The following KCND3 variants were observed in gnomAD, a reference collection of about 807,000 sequenced individuals.
The protein encoded by KCND3 is potassium voltage-gated channel subfamily D member 3.
Under a neutral mutation model 51.1 loss-of-function variants are expected in KCND3, and 9 were observed. The ratio of observed to expected loss-of-function variants is 0.18; its 90% CI spans 0.11 to 0.31. The LOEUF is 0.31. Among genes scored for constraint, KCND3 ranks in the 10% least tolerant of loss-of-function variants. The probability of loss-of-function intolerance (pLI) is 1.00; values close to 1 mark genes in which losing one functional copy is unlikely to be tolerated. For missense variants in KCND3, 526 were observed against 903.8 expected (o/e 0.58, Z 5.36); for synonymous variants, 349 against 368.0 (o/e 0.95, Z 0.59).
At chr1:111,979,457 T>C (rs1674820545) in intron 2 of KCND3, among the ~76,000 whole-genome samples, 1 of 152,234 alleles carries the variant, frequency 6.6e-6, no homozygotes, top group East Asian at 1.9e-4. Flanking sequence ...ATTGGGCTGA[T>C]GCTTTCTTGA....
chr1:111,856,351 A>G (rs1668060554), intron 2 of KCND3, among the ~76,000 whole-genome samples: 1 of 152,198 alleles, frequency 6.6e-6, no homozygotes, highest in Admixed American at 6.5e-5. Flanking sequence ...TCTTCTCCCT[A>G]TAGCAGCATT....
intron 2 of KCND3, among the ~76,000 whole-genome samples, chr1:111,837,799 C>T (rs1004794625): frequency 1.8e-4 from 28 of 152,136 alleles, no homozygotes; most frequent in African/African-American, 5.8e-4. Flanking sequence ...AACATACTAC[C>T]CTCGCCCCTC....
chr1:111,922,128 G>C (rs774603763), intron 2 of KCND3, among the ~76,000 whole-genome samples: 7 of 152,194 alleles, frequency 4.6e-5, no homozygotes, highest in African/African-American at 1.7e-4. Flanking sequence ...TGTCCAAGAC[G>C]AACACAAGAG....
intron 2 of KCND3, among the ~76,000 whole-genome samples, chr1:111,817,744 G>A (rs1666162898): frequency 6.6e-6 from 1 of 152,210 alleles, no homozygotes. Context: ...CACACTGCAT[G>A]AGTGATAGAA....
chr1:111,919,177 T>A (rs1434750761), intron 2 of KCND3, among the ~76,000 whole-genome samples: 2 of 150,260 alleles, frequency 1.3e-5, no homozygotes, highest in Non-Finnish European at 3.0e-5. Flanking sequence ...CAAGGGAGAA[T>A]CCTTGCCCTC....
At chr1:111,843,017 T>C (rs995691967) in intron 2 of KCND3, among the ~76,000 whole-genome samples, 1 of 152,242 alleles carries the variant, frequency 6.6e-6, no homozygotes, top group African/African-American at 2.4e-5. Flanking sequence ...AATGAATGAA[T>C]AAATGATGCT....
chr1:111,939,711 A>C (rs1672400496), intron 2 of KCND3, among the ~76,000 whole-genome samples: 1 of 152,186 alleles, frequency 6.6e-6, no homozygotes, highest in Non-Finnish European at 1.5e-5. Context: ...TTGATAGTAA[A>C]ATGATTTCTA....
At chr1:111,800,974 G>A (rs567091392) in intron 2 of KCND3, among the ~76,000 whole-genome samples, 3 of 152,368 alleles carry the variant, frequency 2.0e-5, no homozygotes, top group East Asian at 3.9e-4. Flanking sequence ...AAAGAGACAT[G>A]AGGAGCAGCA....
At chr1:111,988,370 CT>C (rs1223790098) in intron 1 of KCND3, among the ~76,000 whole-genome samples, 2 of 152,148 alleles carry the variant, frequency 1.3e-5, no homozygotes, top group African/African-American at 4.8e-5. Flanking sequence ...TTCCTGAACT[CT>C]TTTTCTCCAG....
rs1664316426 is a variant in KCND3, at chr1:111,780,283, G to T, written c.1403C>A (p.Thr468Asn). 3.2e-6 allele frequency: 5 copies of T among 1,583,430 alleles called. No homozygotes were observed. Among genetic ancestry groups the T allele is most frequent in the Non-Finnish European group, 4.3e-6 (5 of 1,163,604 alleles). Residue 468 changes from threonine to asparagine, a missense_variant, in exon 5 of 8, where the codon ACC (threonine) becomes AAC (asparagine). Physicochemically the swap from Thr to Asn is moderately conservative, Grantham distance 65 (BLOSUM62 0). Transcript: ENST00000302127. The surrounding 1 kb of genome is among the most constrained non-coding windows in gnomAD (Gnocchi z 4.2). ...ATGCTGGCTCTCGATGAGTGAGGTG[G>T]TCTTGCCCATGTGCTCCTCTTCTGG... is the stretch of plus-strand genomic sequence containing the variant. ...GTPEEEHMGK[T>N]TSLIESQHHH...
chr1:111,803,467 G>A (rs1301225205), intron 2 of KCND3, among the ~76,000 whole-genome samples: 1 of 152,186 alleles, frequency 6.6e-6, no homozygotes, highest in Non-Finnish European at 1.5e-5. Flanking sequence ...CCTTAGGGCT[G>A]CTGGTTGTGT....
rs945591817 is a variant in KCND3 at position 111,772,171 on chromosome 1, T to C, written c.*3906A>G. 6.6e-6 allele frequency: 1 copy of C among 152,178 alleles called. No homozygotes were observed. The highest frequency in any genetic ancestry group is 1.5e-5 in the Non-Finnish European group (1 of 68,012). 9.4% of individuals were successfully genotyped at this position (152,178 alleles called of 1,614,324 possible). ...CTCTGAATCAAGGATTTAGCTACTT[T>C]ACCTACTACCATCACAGACTGTCAT... On this transcript the variant is annotated 3_prime_UTR_variant, in exon 8 of 8. Transcript: ENST00000302127.
intron 2 of KCND3, among the ~76,000 whole-genome samples, chr1:111,952,589 G>A (rs990132070): frequency 3.3e-5 from 5 of 152,274 alleles, no homozygotes; most frequent in African/African-American, 1.2e-4. Flanking sequence ...CCTCACAACC[G>A]AGGTAGCTGG....
rs187203872 is a variant in KCND3 at position 111,912,827 on chromosome 1, C to T, written c.1106+68794G>A. Among the ~76,000 whole-genome samples, 31 of 152,016 alleles carry T rather than the reference C, an allele frequency of 2.0e-4. No homozygotes were observed. In the East Asian group the frequency reaches 3.5e-3, roughly 17 times the overall value. On this transcript the variant is annotated intron_variant, in intron 2 of 7. Transcript: ENST00000302127. ...ATAAATATTTTTTATAACGGTACAA[C>T]GTATTTGTGTTTTAAGCTATTACTG... is the stretch of plus-strand genomic sequence containing the variant.
In KCND3 at chr1:111,825,777, A is replaced by AAATAATAATAAG. The variant is rs560815307; in HGVS notation, c.1107-38683_1107-38672dup. ...CTGCTTTTTCCCACACTACCATCTG[A>AAATAATAATAAG]AATAATAATAAGCATTATTCTACAT... On this transcript the variant is annotated intron_variant, in intron 2 of 7. Transcript: ENST00000302127. 2.8e-3 allele frequency among the ~76,000 whole-genome samples: 432 copies of AAATAATAATAAG among 152,346 alleles called. 4 individuals are homozygous for AAATAATAATAAG. The highest frequency in any genetic ancestry group is 0.015 in the East Asian group (80 of 5,196).
At chr1:111,903,001 T>C (rs1356779595) in intron 2 of KCND3, among the ~76,000 whole-genome samples, 1 of 152,212 alleles carries the variant, frequency 6.6e-6, no homozygotes, top group East Asian at 1.9e-4. Flanking sequence ...TGTAAGTGTT[T>C]ACACACATAC....
intron 2 of KCND3, among the ~76,000 whole-genome samples, chr1:111,879,761 C>T (rs1350302343): frequency 6.6e-6 from 1 of 152,218 alleles, no homozygotes; most frequent in East Asian, 1.9e-4. Flanking sequence ...AGTGTTGGCT[C>T]ATCCAGAAAA....
intron 2 of KCND3, among the ~76,000 whole-genome samples, chr1:111,966,690 G>C (rs1356974911): frequency 2.0e-5 from 3 of 152,156 alleles, no homozygotes; most frequent in African/African-American, 7.2e-5. Flanking sequence ...TCCCTGATCT[G>C]AGTTATACCT....
chr1:111,803,480 GTGTT>G (rs916235096), intron 2 of KCND3, among the ~76,000 whole-genome samples: 4 of 152,184 alleles, frequency 2.6e-5, no homozygotes, highest in African/African-American at 9.7e-5. Flanking sequence ...GGTTGTGTGT[GTGTT>G]TGTGTAAAAT....
Sources: gnomAD v4.1 joint callset for allele counts (sites outside exome capture counted in the v4.1 genomes callset) on GRCh38, gnomAD v4.1.1 for gene constraint, Gnocchi (gnomAD v3.1) non-coding constraint, MANE v1.5 for transcripts, NCBI Gene and HGNC (gene_info 2026-07-23, HGNC 2026-07-21) for gene names.